The following HECTD4 variants were observed in gnomAD, a reference collection of about 807,000 sequenced individuals.
The protein encoded by HECTD4 is probable E3 ubiquitin-protein ligase HECTD4.
HECTD4 carries 114 observed loss-of-function variants against 471.5 expected under a neutral mutation model. The observed-to-expected ratio is 0.24, with a 90% confidence interval of 0.21 to 0.28. HECTD4 has a LOEUF of 0.28. Ranked by LOEUF, HECTD4 falls within the 10% of genes least tolerant of loss-of-function variation. The pLI is 1.00. For synonymous variants in HECTD4, 2,012 were observed against 2,256.0 expected (o/e 0.89, Z 3.07); for missense variants, 3,866 against 5,651.5 (o/e 0.68, Z 10.13).
intron 25 of HECTD4, chr12:112,249,790 A>G: frequency 3.7e-6 from 1 of 270,342 alleles, no homozygotes; most frequent in Non-Finnish European, 7.1e-6. Flanking sequence ...AGAAGGTCAA[A>G]ATACTAGAGA....
chr12:112,370,596 T>C (rs922543907), intron 1 of HECTD4, among the ~76,000 whole-genome samples: 8 of 151,900 alleles, frequency 5.3e-5, no homozygotes, highest in Non-Finnish European at 1.2e-4. Context: ...AAGAAAAAAA[T>C]AGAATGTGTT....
At chr12:112,274,763 G>A in intron 10 of HECTD4, 84 bp downstream of exon 10, 1 of 790,224 alleles carries the variant, frequency 1.3e-6, no homozygotes, top group Non-Finnish European at 2.1e-6. Flanking sequence ...AAACTAGAAT[G>A]CCACAGGGAA....
At chr12:112,172,408 C>T (rs1040166367) in intron 67 of HECTD4, among the ~76,000 whole-genome samples, 2 of 152,236 alleles carry the variant, frequency 1.3e-5, no homozygotes, top group African/African-American at 2.4e-5. Flanking sequence ...TCCCCGCAGC[C>T]GTGCATTTCT....
At chr12:112,260,558 C>T (rs1049336651) in intron 18 of HECTD4, among the ~76,000 whole-genome samples, 1 of 151,852 alleles carries the variant, frequency 6.6e-6, no homozygotes, top group Non-Finnish European at 1.5e-5. Flanking sequence ...CAATGCATCT[C>T]TAAAAACAAA....
In HECTD4 at chr12:112,239,124, T is replaced by C; in HGVS notation, c.5218A>G (p.Lys1740Glu). ...SSSEKQTKKQKVATMAWAAFQ... is the reference protein window; with the variant it reads ...SSSEKQTKKQEVATMAWAAFQ... ...GCAGCCCAGGCCATGGTGGCCACCT[T>C]CTGCTTCTTGGTCTGTTTCTCACTG... The change falls in exon 34 of 76, where the codon AAG (lysine) becomes GAG (glutamate). Residue 1740 changes from lysine to glutamate, a missense_variant. Physicochemically the swap from Lys to Glu is moderately conservative, Grantham distance 56. This residue lies in a region of HECTD4 where 229 missense variants were observed against 386.4 expected (regional missense o/e 0.59). Coordinates refer to ENST00000682272, the MANE Select transcript of HECTD4 (RefSeq NM_001388303.1). The surrounding 1 kb of genome is among the most constrained non-coding windows in gnomAD (Gnocchi z 4.9). 1 of 1,613,958 alleles carries C rather than the reference T, an allele frequency of 6.2e-7. No homozygotes were observed. Among genetic ancestry groups the C allele is most frequent in the Non-Finnish European group, 8.5e-7 (1 of 1,179,854 alleles).
At chr12:112,242,535 C>A (rs766697613) in intron 32 of HECTD4, among the ~76,000 whole-genome samples, 4 of 151,408 alleles carry the variant, frequency 2.6e-5, no homozygotes, top group Non-Finnish European at 4.4e-5. Context: ...ATCGCTTGAG[C>A]CTGGGGAGGT....
intron 1 of HECTD4, among the ~76,000 whole-genome samples, chr12:112,328,578 T>G (rs1436164652): frequency 6.6e-6 from 1 of 152,236 alleles, no homozygotes; most frequent in Non-Finnish European, 1.5e-5. Context: ...AATTGCATGT[T>G]GCAATCAACA....
At chr12:112,252,026 C>T (rs2033901917) in intron 23 of HECTD4, among the ~76,000 whole-genome samples, 1 of 152,214 alleles carries the variant, frequency 6.6e-6, no homozygotes, top group Admixed American at 6.5e-5. Context: ...CCTGCCTCAG[C>T]CTCCCAAAGT....
intron 29 of HECTD4, among the ~76,000 whole-genome samples, chr12:112,244,825 G>C (rs2033722591): frequency 6.6e-6 from 1 of 152,078 alleles, no homozygotes; most frequent in Non-Finnish European, 1.5e-5. Context: ...ACTTGAGTTG[G>C]AATCTGAACT....
intron 52 of HECTD4, among the ~76,000 whole-genome samples, chr12:112,207,108 GTGTGTGTGTGTATGTA>G (rs1450755840): frequency 2.7e-5 from 4 of 148,364 alleles, no homozygotes; most frequent in Admixed American, 6.8e-5. Context: ...TTATGTATAT[GTGTGTGTGTGTATGTA>G]TGTATGTATG....
chr12:112,364,121 T>C (rs1169180380), intron 1 of HECTD4, among the ~76,000 whole-genome samples: 7 of 150,682 alleles, frequency 4.6e-5, no homozygotes, highest in Non-Finnish European at 8.8e-5. Flanking sequence ...AAATGCAAAA[T>C]GGGCTGGGCA....
rs372788556 is a variant in HECTD4 at position 112,212,424 on chromosome 12, C to T, written c.7629+63G>A. 1.4e-4 allele frequency: 183 copies of T among 1,355,536 alleles called. No individual in the cohort carries two copies. The African/African-American group carries it at 2.2e-3, about 16-fold the overall frequency. The allele number at this position is 1,355,536 out of a possible 1,614,324, so 84.0% of individuals were successfully genotyped here. A position where few individuals can be genotyped will look rare whatever the true frequency, so the allele number is the denominator to read the frequency against. On this transcript the variant is annotated intron_variant, in intron 49 of 75. Coordinates refer to ENST00000682272, the MANE Select transcript of HECTD4 (RefSeq NM_001388303.1). The stretch of plus-strand genomic sequence containing the variant: ...GCCCGTTTGCTCCCTTTCATTTTTC[C>T]ATGTCTAACAGGAACAGGTGATGAA...
intron 1 of HECTD4, among the ~76,000 whole-genome samples, chr12:112,358,776 G>A (rs2036392719): frequency 6.6e-6 from 1 of 152,106 alleles, no homozygotes; most frequent in Non-Finnish European, 1.5e-5. Flanking sequence ...AAGGCTACAA[G>A]AGACAGAGAT....
At position 112,170,240 on chromosome 12, in the gene HECTD4, A is replaced by T. The variant is rs531420780; in HGVS notation, c.12052+93T>A. The T allele has an allele frequency of 3.5e-5, 52 of 1,504,402 alleles. No individual in the cohort carries two copies. In the East Asian group the frequency reaches 6.1e-4, roughly 18 times the overall value. 93.2% of individuals were successfully genotyped at this position (1,504,402 alleles called of 1,614,324 possible). A position where few individuals can be genotyped will look rare whatever the true frequency, so the allele number is the denominator to read the frequency against. ...GAACGACAGGAGGAACCGCTGCACC[A>T]GCCCTGGACCCCCTTCTTTTATGTT... is the stretch of plus-strand genomic sequence containing the variant. On this transcript the variant is annotated intron_variant, in intron 69 of 75. Coordinates refer to ENST00000682272, the MANE Select transcript of HECTD4 (RefSeq NM_001388303.1).
At chr12:112,295,810 A>T (rs7302298) in intron 7 of HECTD4, among the ~76,000 whole-genome samples, 85,206 of 141,686 alleles carry the variant, frequency 0.6, 25,747 homozygotes, top group Non-Finnish European at 0.7. Flanking sequence ...TTAAAAAAAA[A>T]ATATATATAT....
At chr12:112,220,425 T>C (rs149691054) in intron 44 of HECTD4, among the ~76,000 whole-genome samples, 2 of 151,960 alleles carry the variant, frequency 1.3e-5, no homozygotes, top group African/African-American at 4.8e-5. Flanking sequence ...TAATATAAGG[T>C]ACAAGCAGAG....
At position 112,313,125 on chromosome 12, in the gene HECTD4, G is replaced by A. The variant is rs1391622952; in HGVS notation, c.808C>T (p.Pro270Ser). 1 of 1,535,004 alleles carries A rather than the reference G, an allele frequency of 6.5e-7. No homozygotes were observed. The highest frequency in any genetic ancestry group is 1.4e-5 in the African/African-American group (1 of 72,914). Residue 270 changes from proline to serine, a missense_variant, in exon 4 of 76, where the codon CCT becomes TCT. Physicochemically the swap from Pro to Ser is moderately conservative, Grantham distance 74. Around this residue, in one of 16 missense-constraint regions of HECTD4, gnomAD observed 440 missense variants for 636.0 expected, o/e 0.69. Coordinates refer to ENST00000682272, the MANE Select transcript of HECTD4 (RefSeq NM_001388303.1). Reference protein sequence around the residue: ...LYRLLLLEGGPGSPSCLLGGK... With the variant: ...LYRLLLLEGGSGSPSCLLGGK... Reference sequence around the variant, plus strand: ...CCAAGCAAACAGGAGGGAGATCCAGGCCCCCCTTCCAAAAGCAACAGCCTA... The same window carrying A: ...CCAAGCAAACAGGAGGGAGATCCAGACCCCCCTTCCAAAAGCAACAGCCTA...
rs1009200638 is a variant in HECTD4, at chr12:112,188,166, G to C, written c.9472+2620C>G. ...TAGCTGGGCATGGTAGCGGGCGCCTGTATTCCCAACTACTCAGGAGGCTGG... is the reference window on the plus strand; with the variant it reads ...TAGCTGGGCATGGTAGCGGGCGCCTCTATTCCCAACTACTCAGGAGGCTGG... On this transcript the variant is annotated intron_variant, in intron 60 of 75. Coordinates refer to ENST00000682272, the MANE Select transcript of HECTD4 (RefSeq NM_001388303.1). This position sits in a 1 kb window ranked among gnomAD's most constrained non-coding sequence, Gnocchi z 4.2. Among the ~76,000 whole-genome samples the C allele has an allele frequency of 6.6e-6, 1 of 152,090 alleles. No homozygotes were observed. Among genetic ancestry groups the C allele is most frequent in the Non-Finnish European group, 1.5e-5 (1 of 68,016 alleles).
chr12:112,379,756 C>A (rs1310145068), intron 1 of HECTD4, among the ~76,000 whole-genome samples: 1 of 151,100 alleles, frequency 6.6e-6, no homozygotes, highest in Non-Finnish European at 1.5e-5. Context: ...CCCACACAAA[C>A]ACAAATCTAA....
Sources: gnomAD v4.1 joint callset for allele counts (sites outside exome capture counted in the v4.1 genomes callset) on GRCh38, gnomAD v4.1.1 for gene constraint, gnomAD v4.1.1 regional missense constraint, Gnocchi (gnomAD v3.1) non-coding constraint, MANE v1.5 for transcripts, NCBI Gene and HGNC (gene_info 2026-07-23, HGNC 2026-07-21) for gene names.